Variants in ZKSCAN1 observed in about 807,000 individuals in gnomAD.
ZKSCAN1 encodes zinc finger protein with KRAB and SCAN domains 1.
A neutral mutation model predicts 51.6 loss-of-function variants in ZKSCAN1; 14 were observed. The ratio of observed to expected loss-of-function variants is 0.27; its 90% CI spans 0.18 to 0.42. The LOEUF (loss-of-function observed/expected upper bound fraction) is 0.42, where lower values mean the gene tolerates loss of function less well. Among genes scored for constraint, ZKSCAN1 ranks in the 10% least tolerant of loss-of-function variants. The pLI, the probability that ZKSCAN1 is intolerant of heterozygous loss-of-function variation, is 1.00. For synonymous variants in ZKSCAN1, 263 were observed against 261.5 expected (o/e 1.01, Z -0.06); for missense variants, 531 against 710.0 (o/e 0.75, Z 2.86).
Position 100,038,043 on chromosome 7 carries a change from G to T in ZKSCAN1, c.*3846G>T, listed in dbSNP as rs1327777291. On this transcript the variant is annotated 3_prime_UTR_variant, in exon 6 of 6. Coordinates refer to ENST00000324306, the MANE Select transcript of ZKSCAN1 (RefSeq NM_003439.4). Reference sequence around the variant, plus strand: ...TATCAAAAAAAAAAGTTGCGGGGGGGTGCTCAATCTTAACTGCAGAGGATC... The same window carrying T: ...TATCAAAAAAAAAAGTTGCGGGGGGTTGCTCAATCTTAACTGCAGAGGATC... 1.0e-6 allele frequency: 1 copy of T among 985,064 alleles called. No homozygotes were observed. The highest frequency in any genetic ancestry group is 1.7e-5 in the African/African-American group (1 of 57,230). 61.0% of individuals were successfully genotyped at this position (985,064 alleles called of 1,614,324 possible).
At chr7:100,027,747 CAAAAAA>C (rs1199868325) in intron 3 of ZKSCAN1, among the ~76,000 whole-genome samples, 3 of 68,452 alleles carry the variant, frequency 4.4e-5, no homozygotes, top group South Asian at 5.5e-4. Flanking sequence ...GATGCTGTCT[CAAAAAA>C]AAAAAAAAAA....
rs997666771 is a variant in ZKSCAN1 at position 100,034,607 on chromosome 7, A to G, written c.*410A>G. Reference sequence around the variant, plus strand: ...ATGCTACTTGCTGCAAACAAGCCCTACTTTGGCCAACATCCTGCTTATTTC... The same window carrying G: ...ATGCTACTTGCTGCAAACAAGCCCTGCTTTGGCCAACATCCTGCTTATTTC... On this transcript the variant is annotated 3_prime_UTR_variant, in exon 6 of 6. Transcript: ENST00000324306. The G allele has an allele frequency of 2.0e-6, 2 of 980,442 alleles. No homozygotes were observed. Among genetic ancestry groups the G allele is most frequent in the African/African-American group, 1.7e-5 (1 of 57,150 alleles). The allele number at this position is 980,442 out of a possible 1,614,324, so 60.7% of individuals were successfully genotyped here. A position where few individuals can be genotyped will look rare whatever the true frequency, so the allele number is the denominator to read the frequency against.
chr7:100,017,282 G>T (rs932902213), intron 1 of ZKSCAN1, among the ~76,000 whole-genome samples: 1 of 152,042 alleles, frequency 6.6e-6, no homozygotes, highest in Admixed American at 6.5e-5. Flanking sequence ...GAGTGCAGTG[G>T]TGCGATCTCG....
chr7:100,039,773 T>G lies in ZKSCAN1; in HGVS notation c.*5576T>G, dbSNP rs1335280331. The stretch of plus-strand genomic sequence containing the variant: ...TTCTCTGTGTCCTACTCTGAGCAAC[T>G]TCTCAGAGATACGAGGGGGCTAGGG... On this transcript the variant is annotated 3_prime_UTR_variant, in exon 6 of 6. Transcript: ENST00000324306. 1 of 985,252 alleles carries G rather than the reference T, an allele frequency of 1.0e-6. No homozygotes were observed. Among genetic ancestry groups the G allele is most frequent in the Admixed American group, 6.2e-5 (1 of 16,248 alleles). The allele number at this position is 985,252 out of a possible 1,614,324, so 61.0% of individuals were successfully genotyped here.
chr7:100,041,495 A>G lies in ZKSCAN1; in HGVS notation c.*7298A>G. 4 of 985,450 alleles carry G rather than the reference A, an allele frequency of 4.1e-6. 1 individual carries two copies. The highest frequency in any genetic ancestry group is 4.8e-6 in the Non-Finnish European group (4 of 829,936). 61.0% of individuals were successfully genotyped at this position (985,450 alleles called of 1,614,324 possible). On this transcript the variant is annotated 3_prime_UTR_variant, in exon 6 of 6. Transcript: ENST00000324306. ...AATGAGGGCTAAAGTTTTAATCATA[A>G]GAGAAAAGGCAGCATAATGAAATGT... is the stretch of plus-strand genomic sequence containing the variant.
Position 100,041,554 on chromosome 7 carries a change from A to G in ZKSCAN1, c.*7357A>G. 4 of 985,474 alleles carry G rather than the reference A, an allele frequency of 4.1e-6. No homozygotes were observed. Among genetic ancestry groups the G allele is most frequent in the Non-Finnish European group, 4.8e-6 (4 of 829,936 alleles). 61.0% of individuals were successfully genotyped at this position (985,474 alleles called of 1,614,324 possible). ...ACATAGTCAGTGGTCCATTTTAGGA[A>G]GCCAGTGGCGTCTGATAAAGAAATG... On this transcript the variant is annotated 3_prime_UTR_variant, in exon 6 of 6. Transcript: ENST00000324306.
intron 3 of ZKSCAN1, among the ~76,000 whole-genome samples, chr7:100,028,308 C>T (rs574208029): frequency 5.9e-5 from 9 of 151,900 alleles, no homozygotes; most frequent in South Asian, 2.1e-4. Flanking sequence ...GCCGAGATCG[C>T]GCCATGCACA....
In ZKSCAN1 at chr7:100,023,668, A is replaced by G. The variant is rs771156301; in HGVS notation, c.162A>G (p.Ile54Met). 16 of 1,614,166 alleles carry G rather than the reference A, an allele frequency of 9.9e-6. No homozygotes were observed. In the East Asian group the frequency reaches 2.9e-4, roughly 29 times the overall value. The stretch of plus-strand genomic sequence containing the variant: ...ACACGCCTCCTCCAGACCCAGAGAT[A>G]TTCCGCCAACGCTTCAGGCGCTTCT... ...LQDTPPPDPE[I>M]FRQRFRRFCY... is the part of the protein sequence containing the mutation. The change falls in exon 2 of 6, where the codon ATA becomes ATG. Residue 54 changes from isoleucine to methionine, a missense_variant. Ile to Met is a conservative substitution (Grantham distance 10). This residue lies in a region of ZKSCAN1 where 403 missense variants were observed against 490.5 expected (regional missense o/e 0.82). Coordinates refer to ENST00000324306, the MANE Select transcript of ZKSCAN1 (RefSeq NM_003439.4).
chr7:100,040,278 A>G lies in ZKSCAN1; in HGVS notation c.*6081A>G, dbSNP rs1791539247. On this transcript the variant is annotated 3_prime_UTR_variant, in exon 6 of 6. Transcript: ENST00000324306. ...TCTCATGTTTTCCTGTTACCCTAAA[A>G]CAGTGGAAGGAAACTGGGTGTTTGG... The G allele has an allele frequency of 2.0e-6, 2 of 985,420 alleles. No individual in the cohort carries two copies. The highest frequency in any genetic ancestry group is 2.4e-6 in the Non-Finnish European group (2 of 829,936). 61.0% of individuals were successfully genotyped at this position (985,420 alleles called of 1,614,324 possible).
intron 3 of ZKSCAN1, 87 bp downstream of exon 3, chr7:100,024,394 G>A (rs138368458): frequency 2.0e-6 from 3 of 1,507,894 alleles, no homozygotes; most frequent in African/African-American, 1.4e-5. Context: ...GAAGAAGCAT[G>A]TTAGTCCTGG....
chr7:100,044,503 T>TA (rs368089109), downstream of ZKSCAN1, among the ~76,000 whole-genome samples: 363 of 150,960 alleles, frequency 2.4e-3, 3 homozygotes, highest in African/African-American at 8.4e-3. Flanking sequence ...CCGTCTCTAC[T>TA]AAAAAAAATA....
At position 100,024,271 on chromosome 7, in the gene ZKSCAN1, C is replaced by T. The variant is rs1396147197; in HGVS notation, c.544C>T (p.His182Tyr). 7 of 1,613,934 alleles carry T rather than the reference C, an allele frequency of 4.3e-6. No individual in the cohort carries two copies. Among genetic ancestry groups the T allele is most frequent in the African/African-American group, 4.0e-5 (3 of 74,872 alleles). Reference protein sequence around the residue: ...HHEATQSHFKHSSRKPRLLQS... With the variant: ...HHEATQSHFKYSSRKPRLLQS... ...CGAGGCCACCCAGTCCCACTTCAAACATTCGTCTCGGAAACCCCGCCTCTT... is the reference window on the plus strand; with the variant it reads ...CGAGGCCACCCAGTCCCACTTCAAATATTCGTCTCGGAAACCCCGCCTCTT... Residue 182 changes from histidine to tyrosine, a missense_variant, in exon 3 of 6, where the codon CAT becomes TAT. His to Tyr is a moderately conservative substitution (Grantham distance 83). Coordinates refer to ENST00000324306, the MANE Select transcript of ZKSCAN1 (RefSeq NM_003439.4).
rs1382809932 is a variant in ZKSCAN1, at chr7:100,040,873, C to T, written c.*6676C>T. 2.0e-6 allele frequency: 2 copies of T among 985,108 alleles called. No individual in the cohort carries two copies. The highest frequency in any genetic ancestry group is 1.7e-5 in the African/African-American group (1 of 57,232). 61.0% of individuals were successfully genotyped at this position (985,108 alleles called of 1,614,324 possible). A position where few individuals can be genotyped will look rare whatever the true frequency, so the allele number is the denominator to read the frequency against. On this transcript the variant is annotated 3_prime_UTR_variant, in exon 6 of 6. Transcript: ENST00000324306. Reference sequence around the variant, plus strand: ...TTAGATTAGAGATGCTTCTGCTGATCGCAGGGGTTCTTATTTGAAAACATC... The same window carrying T: ...TTAGATTAGAGATGCTTCTGCTGATTGCAGGGGTTCTTATTTGAAAACATC...
At chr7:100,016,585 C>G (rs936389827) in intron 1 of ZKSCAN1, among the ~76,000 whole-genome samples, 2 of 152,186 alleles carry the variant, frequency 1.3e-5, no homozygotes, top group South Asian at 4.1e-4. Context: ...AAAGGCCCTT[C>G]CGACTTCGAA....
chr7:100,021,134 T>TTC (rs1390040537), intron 1 of ZKSCAN1, among the ~76,000 whole-genome samples: 19 of 145,488 alleles, frequency 1.3e-4, no homozygotes, highest in Non-Finnish European at 2.9e-4. Context: ...TTTTTTTTTT[T>TTC]TTTTGAGATG....
rs1790687270 is a variant in ZKSCAN1 at position 100,023,649 on chromosome 7, C to T, written c.143C>T (p.Pro48Leu). The change falls in exon 2 of 6, where the codon CCT becomes CTT. Residue 48 changes from proline to leucine, a missense_variant. Transcript: ENST00000324306. Reference protein sequence around the residue: ...WGQDSTLQDTPPPDPEIFRQR... With the variant: ...WGQDSTLQDTLPPDPEIFRQR... ...CAGGATTCCACCCTACAGGACACGCCTCCTCCAGACCCAGAGATATTCCGC... is the reference window on the plus strand; with the variant it reads ...CAGGATTCCACCCTACAGGACACGCTTCCTCCAGACCCAGAGATATTCCGC... 2 of 1,614,122 alleles carry T rather than the reference C, an allele frequency of 1.2e-6. No homozygotes were observed. The highest frequency in any genetic ancestry group is 1.3e-5 in the African/African-American group (1 of 75,040).
chr7:100,042,540 C>CAG (rs1321073775), downstream of ZKSCAN1, among the ~76,000 whole-genome samples: 1 of 152,014 alleles, frequency 6.6e-6, no homozygotes, highest in East Asian at 1.9e-4. Flanking sequence ...TGGGCTCAGT[C>CAG]CCTCAAGACT....
chr7:100,042,760 G>GTGTGTGTGTA (rs987128687), downstream of ZKSCAN1, among the ~76,000 whole-genome samples: 2 of 146,506 alleles, frequency 1.4e-5, no homozygotes, highest in African/African-American at 5.0e-5. Flanking sequence ...GTGTGTGTGT[G>GTGTGTGTGTA]TATACGAATA....
chr7:100,016,738 A>G (rs1286555606), intron 1 of ZKSCAN1: 1 of 152,214 alleles, frequency 6.6e-6, no homozygotes, highest in East Asian at 1.9e-4. Flanking sequence ...CCTGGGACCA[A>G]AGAAAGCATT....
Sources: gnomAD v4.1 joint callset for allele counts (sites outside exome capture counted in the v4.1 genomes callset) on GRCh38, gnomAD v4.1.1 for gene constraint, gnomAD v4.1.1 regional missense constraint, MANE v1.5 for transcripts, NCBI Gene and HGNC (gene_info 2026-07-23, HGNC 2026-07-21) for gene names.